GABRA6: variants seen among roughly 807,000 people sequenced by gnomAD.
GABRA6 encodes gamma-aminobutyric acid receptor subunit alpha-6.
A neutral mutation model predicts 47.3 loss-of-function variants in GABRA6; 45 were observed. That is an observed-to-expected ratio of 0.95 (90% CI 0.75 to 1.22). The LOEUF (loss-of-function observed/expected upper bound fraction) is 1.22. GABRA6 is among the 50% of genes most tolerant of loss of function. The pLI is 0.00. For missense variants in GABRA6, 583 were observed against 549.3 expected (o/e 1.06, Z -0.61); for synonymous variants, 219 against 194.7 (o/e 1.12, Z -1.04).
chr5:161,694,879 C>G (rs1754861729), intron 8 of GABRA6, among the ~76,000 whole-genome samples: 1 of 152,082 alleles, frequency 6.6e-6, no homozygotes. Context: ...TCGTGTCAAA[C>G]CTTGGCAAGT....
intron 8 of GABRA6, among the ~76,000 whole-genome samples, chr5:161,695,236 G>A (rs1754867308): frequency 6.6e-6 from 1 of 152,088 alleles, no homozygotes; most frequent in African/African-American, 2.4e-5. Context: ...TAGTAATGGA[G>A]AAACTCAAGC....
At chr5:161,699,608 G>T (rs912161781) in intron 8 of GABRA6, among the ~76,000 whole-genome samples, 7 of 144,912 alleles carry the variant, frequency 4.8e-5, no homozygotes, top group Admixed American at 1.4e-4. Context: ...AGGCTGAAGT[G>T]CAGTGGCCAC....
At chr5:161,691,776 T>C (rs1215143261) in intron 7 of GABRA6, among the ~76,000 whole-genome samples, 165 bp from the exon 8 acceptor site, 1 of 151,974 alleles carries the variant, frequency 6.6e-6, no homozygotes, top group Non-Finnish European at 1.5e-5. Context: ...TCAGAAATGA[T>C]AATACTTATG....
intron 8 of GABRA6, 40 bp from the exon 9 acceptor site, chr5:161,701,458 A>G (rs373829104): frequency 1.7e-4 from 265 of 1,590,888 alleles, no homozygotes; most frequent in Non-Finnish European, 2.1e-4. Context: ...AGCAATATCT[A>G]TTCTTTCATT....
Position 161,692,118 on chromosome 5 carries a change from C to T in GABRA6, c.1004C>T (p.Ala335Val), listed in dbSNP as rs762584200. 9.3e-6 allele frequency: 15 copies of T among 1,613,962 alleles called. No individual in the cohort carries two copies. The highest frequency in any genetic ancestry group is 1.6e-4 in the Middle Eastern group (1 of 6,062). Residue 335 changes from alanine to valine, a missense_variant, in exon 8 of 9, where the codon GCC becomes GTC. Physicochemically the swap from Ala to Val is moderately conservative, Grantham distance 64 (BLOSUM62 0). Transcript: ENST00000274545. Reference sequence around the variant, plus strand: ...TTTACCAATCTTCAGACACAGAAGGCCAAAAGGAAGGCACAGTTTGCAGCC... The same window carrying T: ...TTTACCAATCTTCAGACACAGAAGGTCAAAAGGAAGGCACAGTTTGCAGCC... Reference protein sequence around the residue: ...NYFTNLQTQKAKRKAQFAAPP... With the variant: ...NYFTNLQTQKVKRKAQFAAPP...
At position 161,699,417 on chromosome 5, in the gene GABRA6, T is replaced by C. The variant is rs548226793; in HGVS notation, c.1087-2081T>C. On this transcript the variant is annotated intron_variant, in intron 8 of 8. Transcript: ENST00000274545. Reference sequence around the variant, plus strand: ...ATACTATATTTAATAGGTGAAAATTTAGAGTCTGAGAAACATGATAGAAAA... The same window carrying C: ...ATACTATATTTAATAGGTGAAAATTCAGAGTCTGAGAAACATGATAGAAAA... 8.7e-4 allele frequency among the ~76,000 whole-genome samples: 133 copies of C among 152,266 alleles called. 4 individuals carry two copies. The South Asian group carries it at 0.027, about 31-fold the overall frequency.
Position 161,702,026 on chromosome 5 carries a change from T to C in GABRA6, c.*253T>C. On this transcript the variant is annotated 3_prime_UTR_variant, in exon 9 of 9. Transcript: ENST00000274545. ...AAAAACTTTATGAGGATGAAATGGG[T>C]TCAAGATGAATTTGTCAACTTTTGT... 4.1e-6 allele frequency: 2 copies of C among 486,648 alleles called. No homozygotes were observed. The highest frequency in any genetic ancestry group is 2.6e-5 in the South Asian group (1 of 37,994). The allele number at this position is 486,648 out of a possible 1,614,324, so 30.1% of individuals were successfully genotyped here.
At chr5:161,687,806 G>T (rs145582551) in intron 3 of GABRA6, among the ~76,000 whole-genome samples, 88 of 151,678 alleles carry the variant, frequency 5.8e-4, no homozygotes, top group African/African-American at 2.1e-3. Flanking sequence ...AAGATGTAAA[G>T]AAAGGAAAAA....
In GABRA6 at chr5:161,701,724, T is replaced by A. The variant is rs766905710; in HGVS notation, c.1313T>A (p.Val438Glu). 1 of 1,614,140 alleles carries A rather than the reference T, an allele frequency of 6.2e-7. No individual in the cohort carries two copies. The highest frequency in any genetic ancestry group is 2.2e-5 in the East Asian group (1 of 44,876). ...AFAGFNLVYW[V>E]VYLSKDTMEV... ...GCAGGATTCAACCTTGTGTACTGGG[T>A]AGTTTATCTTTCCAAAGATACAATG... is the stretch of plus-strand genomic sequence containing the variant. Residue 438 changes from valine to glutamate, a missense_variant, in exon 9 of 9, where the codon GTA becomes GAA. Coordinates refer to ENST00000274545, the MANE Select transcript of GABRA6 (RefSeq NM_000811.3).
At chr5:161,692,985 G>A (rs1440529512) in intron 8 of GABRA6, among the ~76,000 whole-genome samples, 1 of 152,074 alleles carries the variant, frequency 6.6e-6, no homozygotes, top group Non-Finnish European at 1.5e-5. Flanking sequence ...TAATAAAACT[G>A]ATTGACAGTC....
At chr5:161,700,893 C>T (rs886199389) in intron 8 of GABRA6, among the ~76,000 whole-genome samples, 4 of 152,186 alleles carry the variant, frequency 2.6e-5, no homozygotes, top group Non-Finnish European at 5.9e-5. Context: ...AGTCATCCTA[C>T]TCAATGTAAG....
At chr5:161,686,640 A>C (rs6556556) in intron 2 of GABRA6, among the ~76,000 whole-genome samples, 147,556 of 152,300 alleles carry the variant, frequency 0.97, 71,641 homozygotes, top group East Asian at 1. Context: ...AAACAGTTTT[A>C]TTAGCACTTT....
chr5:161,690,004 C>T (rs899147489), intron 6 of GABRA6, 197 bp from the exon 7 acceptor site: 3 of 666,990 alleles, frequency 4.5e-6, no homozygotes, highest in Non-Finnish European at 7.7e-6. Flanking sequence ...ATAAAGAACC[C>T]TACTGAAAAC....
In GABRA6 at chr5:161,686,012, T is replaced by C. The variant is rs1754685033; in HGVS notation, c.23T>C (p.Leu8Pro). 1 of 1,613,898 alleles carries C rather than the reference T, an allele frequency of 6.2e-7. No individual in the cohort carries two copies. Among genetic ancestry groups the C allele is most frequent in the South Asian group, 1.1e-5 (1 of 91,092 alleles). ...AGGATGGCGTCGTCTCTGCCCTGGC[T>C]GTGCATTATTCTGTGGTGAGTAAGA... MASSLPWLCIILWLENAL... is the reference protein window; with the variant it reads MASSLPWPCIILWLENAL... Residue 8 changes from leucine (L) to proline (P), a missense_variant, in exon 1 of 9, where the codon CTG becomes CCG. Coordinates refer to ENST00000274545, the MANE Select transcript of GABRA6 (RefSeq NM_000811.3).
intron 8 of GABRA6, among the ~76,000 whole-genome samples, chr5:161,693,373 C>T (rs1358207670): frequency 6.6e-6 from 1 of 151,710 alleles, no homozygotes; most frequent in African/African-American, 2.4e-5. Flanking sequence ...TTTTTATTAG[C>T]CCTTATTTAA....
chr5:161,690,548 G>T (rs930857659), intron 7 of GABRA6, among the ~76,000 whole-genome samples, 195 bp downstream of exon 7: 1 of 152,106 alleles, frequency 6.6e-6, no homozygotes, highest in African/African-American at 2.4e-5. Context: ...AAAAAATTTT[G>T]TCTCAGTGAG....
In GABRA6 at chr5:161,692,139, C is replaced by T; in HGVS notation, c.1025C>T (p.Ala342Val). 2.5e-6 allele frequency: 4 copies of T among 1,614,206 alleles called. No homozygotes were observed. The highest frequency in any genetic ancestry group is 3.4e-6 in the Non-Finnish European group (4 of 1,180,014). ...TQKAKRKAQF[A>V]APPTVTISKA... The stretch of plus-strand genomic sequence containing the variant: ...AAGGCCAAAAGGAAGGCACAGTTTG[C>T]AGCCCCACCCACAGTGACAATATCA... The change falls in exon 8 of 9, where the codon GCA (alanine) becomes GTA (valine). Residue 342 changes from alanine (A) to valine (V), a missense_variant. Physicochemically the swap from Ala to Val is moderately conservative, Grantham distance 64. Coordinates refer to ENST00000274545, the MANE Select transcript of GABRA6 (RefSeq NM_000811.3).
intron 8 of GABRA6, among the ~76,000 whole-genome samples, chr5:161,696,448 G>C (rs1300772252): frequency 6.6e-6 from 1 of 150,534 alleles, no homozygotes; most frequent in Non-Finnish European, 1.5e-5. Context: ...ATTAAGGACT[G>C]AATTAAGACC....
Position 161,685,888 on chromosome 5 carries a change from T to A in GABRA6, c.-102T>A. 3.2e-6 allele frequency: 3 copies of A among 943,348 alleles called. No individual in the cohort carries two copies. The highest frequency in any genetic ancestry group is 5.3e-6 in the Non-Finnish European group (3 of 568,136). 58.4% of individuals were successfully genotyped at this position (943,348 alleles called of 1,614,324 possible). ...TTGAGGCAAACAAGGAACAGAGATA[T>A]GAAGGGTTTGAAAGATTTCTCCAGT... is the stretch of plus-strand genomic sequence containing the variant. On this transcript the variant is annotated 5_prime_UTR_variant, in exon 1 of 9. It removes an upstream start codon present in the reference 5' UTR. Transcript: ENST00000274545.
Sources: gnomAD v4.1 joint callset for allele counts (sites outside exome capture counted in the v4.1 genomes callset) on GRCh38, gnomAD v4.1.1 for gene constraint, MANE v1.5 for transcripts, NCBI Gene and HGNC (gene_info 2026-07-23, HGNC 2026-07-21) for gene names.